SYNE1: variants seen among roughly 807,000 people sequenced by gnomAD.
SYNE1 encodes the protein spectrin repeat containing nuclear envelope protein 1, also known as nesprin-1.
Under a neutral mutation model 1,111.0 loss-of-function variants are expected in SYNE1, and 616 were observed. The observed-to-expected ratio is 0.55, with a 90% CI of 0.52 to 0.59. The LOEUF (loss-of-function observed/expected upper bound fraction) is 0.59. Among genes scored for constraint, SYNE1 ranks in the 20% least tolerant of loss-of-function variants. The pLI is 0.00. For missense variants in SYNE1, 10,006 were observed against 10,417.0 expected, an observed-to-expected ratio of 0.96 and a Z score of 1.72; for synonymous variants, 3,855 against 3,825.8, an observed-to-expected ratio of 1.01 and a Z score of -0.28.
intron 39 of SYNE1, among the ~76,000 whole-genome samples, chr6:152,422,419 A>G (rs1194612581): frequency 6.6e-6 from 1 of 152,216 alleles, no homozygotes; most frequent in South Asian, 2.1e-4. Context: ...AAGACATGCA[A>G]CAATATATTT....
intron 6 of SYNE1, among the ~76,000 whole-genome samples, chr6:152,518,741 G>C (rs2099124617): frequency 1.3e-5 from 2 of 152,246 alleles, no homozygotes; most frequent in African/African-American, 4.8e-5. Context: ...CATAAGGCCA[G>C]AGTAAAACTT....
At chr6:152,535,611 G>A (rs1317095686) in intron 4 of SYNE1, among the ~76,000 whole-genome samples, 13 of 152,062 alleles carry the variant, frequency 8.5e-5, no homozygotes, top group Admixed American at 7.9e-4. Context: ...ATTGAATCAA[G>A]GGTGTTTAAA....
At chr6:152,224,415 G>A (rs2080973956) in intron 117 of SYNE1, 79 bp downstream of exon 117, 6 of 1,231,444 alleles carry the variant, frequency 4.9e-6, no homozygotes, top group African/African-American at 1.5e-5. Flanking sequence ...AATATTTCAG[G>A]ATGATGTCTC....
intron 130 of SYNE1, among the ~76,000 whole-genome samples, chr6:152,175,200 T>C (rs1035671361): frequency 5.9e-5 from 9 of 152,098 alleles, no homozygotes; most frequent in Non-Finnish European, 1.2e-4. Flanking sequence ...CAAATATAAA[T>C]AAATAAATAT....
intron 100 of SYNE1, among the ~76,000 whole-genome samples, chr6:152,267,196 C>T (rs1305476318): frequency 6.6e-6 from 1 of 152,038 alleles, no homozygotes; most frequent in Non-Finnish European, 1.5e-5. Flanking sequence ...ATGTTACTTC[C>T]CCTAAAAAAT....
Position 152,352,094 on chromosome 6 carries a change from A to G in SYNE1, c.11513T>C (p.Ile3838Thr). ...TTTGGGTTCTTCAGGAACATGTAGA[A>G]TTTCCTGGTATTCTGCTATCCACTG... ...LTQWIAEYQE[I>T]LHVPEEPKME... The change falls in exon 70 of 146, where the codon ATT becomes ACT. Residue 3838 changes from isoleucine to threonine, a missense_variant. Ile to Thr is a moderately conservative substitution (Grantham distance 89, BLOSUM62 -1). Coordinates refer to ENST00000367255, the MANE Select transcript of SYNE1 (RefSeq NM_182961.4). The G allele has an allele frequency of 6.2e-7, 1 of 1,614,164 alleles. No homozygotes were observed. The highest frequency in any genetic ancestry group is 8.5e-7 in the Non-Finnish European group (1 of 1,180,032).
chr6:152,378,024 T>G (rs1031207757), intron 56 of SYNE1, among the ~76,000 whole-genome samples: 2 of 152,194 alleles, frequency 1.3e-5, no homozygotes, highest in African/African-American at 4.8e-5. Context: ...CATGGTCATC[T>G]GAGTTACACA....
At chr6:152,310,259 T>C (rs772934361) in intron 89 of SYNE1, 137 bp downstream of exon 89, 19 of 1,338,352 alleles carry the variant, frequency 1.4e-5, no homozygotes, top group Non-Finnish European at 1.9e-5. Context: ...CTGGCCAACA[T>C]AGGGATACCC....
At chr6:152,307,680 A>C (rs2095420681) in intron 91 of SYNE1, among the ~76,000 whole-genome samples, 1 of 152,228 alleles carries the variant, frequency 6.6e-6, no homozygotes, top group African/African-American at 2.4e-5. Flanking sequence ...ATGATGCCAA[A>C]GGAACAAGGA....
intron 4 of SYNE1, among the ~76,000 whole-genome samples, chr6:152,535,114 T>C (rs2099228292): frequency 6.6e-6 from 1 of 152,164 alleles, no homozygotes; most frequent in African/African-American, 2.4e-5. Context: ...TGGGTCCTAA[T>C]CCAATATGAC....
chr6:152,627,490 T>TAAA lies in SYNE1; in HGVS notation c.67+772_67+774dup, dbSNP rs5880989. Among the ~76,000 whole-genome samples the TAAA allele has an allele frequency of 9.4e-4, 126 of 134,368 alleles. 3 individuals carry two copies. The highest frequency in any genetic ancestry group is 4.1e-3 in the Admixed American group (56 of 13,496). The allele number at this position is 134,368 out of a possible 152,430, so 88.2% of individuals were successfully genotyped here. On this transcript the variant is annotated intron_variant, in intron 3 of 145. Transcript: ENST00000367255. ...CAACATGGTGAAACCATATCTCTACTAAAAAAAAAAAAAAAAAATTAGCCG... is the reference window on the plus strand; with the variant it reads ...CAACATGGTGAAACCATATCTCTACTAAAAAAAAAAAAAAAAAAAAATTAGCCG...
chr6:152,160,518 T>C (rs943821332), intron 131 of SYNE1, among the ~76,000 whole-genome samples: 1 of 152,166 alleles, frequency 6.6e-6, no homozygotes, highest in Non-Finnish European at 1.5e-5. Context: ...CTGAGTTGAA[T>C]AGCATTTCCC....
intron 129 of SYNE1, among the ~76,000 whole-genome samples, chr6:152,179,000 A>G (rs2067196201): frequency 7.1e-6 from 1 of 141,610 alleles, no homozygotes; most frequent in South Asian, 2.2e-4. Flanking sequence ...TGCAACCTCC[A>G]TCTCCTGGGT....
chr6:152,187,604 A>G (rs760723950), intron 128 of SYNE1, among the ~76,000 whole-genome samples: 2 of 152,162 alleles, frequency 1.3e-5, no homozygotes, highest in Non-Finnish European at 2.9e-5. Context: ...CCCATCAATC[A>G]GTCTCCTCCA....
intron 139 of SYNE1, among the ~76,000 whole-genome samples, chr6:152,140,872 A>G (rs1026896339): frequency 5.9e-5 from 9 of 151,774 alleles, no homozygotes; most frequent in Non-Finnish European, 1.3e-4. Flanking sequence ...CCTCTACTAA[A>G]AATACAAAAA....
intron 3 of SYNE1, among the ~76,000 whole-genome samples, chr6:152,570,630 G>A (rs1421776954): frequency 1.3e-5 from 2 of 152,110 alleles, no homozygotes; most frequent in African/African-American, 2.4e-5. Context: ...AACAAACTTC[G>A]GGATGGGTGG....
chr6:152,279,265 T>TAA (rs1373066937), intron 97 of SYNE1, among the ~76,000 whole-genome samples: 1 of 132,926 alleles, frequency 7.5e-6, no homozygotes. Flanking sequence ...CAAAAAAGAC[T>TAA]AAAAAAAAAA....
At chr6:152,529,841 G>A (rs2099187346) in intron 4 of SYNE1, among the ~76,000 whole-genome samples, 1 of 151,678 alleles carries the variant, frequency 6.6e-6, no homozygotes, top group African/African-American at 2.4e-5. Context: ...TTTTACTGGG[G>A]GGTCTATGAC....
At chr6:152,573,265 T>C (rs561087430) in intron 3 of SYNE1, among the ~76,000 whole-genome samples, 54 of 151,906 alleles carry the variant, frequency 3.6e-4, no homozygotes, top group African/African-American at 8.5e-4. Flanking sequence ...ATGTGCCATG[T>C]TGGTGTGCTG....
Sources: allele counts gnomAD v4.1 joint callset (sites outside exome capture counted in the v4.1 genomes callset), GRCh38; gene constraint gnomAD v4.1.1; transcripts MANE v1.5; gene names NCBI Gene and HGNC (gene_info 2026-07-23, HGNC 2026-07-21).